PTPRT: variants seen among roughly 807,000 people sequenced by gnomAD.
The protein encoded by PTPRT is receptor-type tyrosine-protein phosphatase T.
PTPRT carries 56 observed loss-of-function variants against 176.8 expected under a neutral mutation model. The observed-to-expected ratio is 0.32, with a 90% CI of 0.26 to 0.40. The LOEUF is 0.40. Among genes scored for constraint, PTPRT ranks in the 10% least tolerant of loss-of-function variants. The probability of loss-of-function intolerance (pLI) is 1.00; values close to 1 mark genes in which losing one functional copy is unlikely to be tolerated. For missense variants in PTPRT, 1,540 were observed against 1,908.2 expected (o/e 0.81, Z 3.60); for synonymous variants, 783 against 739.0 (o/e 1.06, Z -0.96).
At chr20:42,812,505 AT>A (rs1052899343) in intron 2 of PTPRT, among the ~76,000 whole-genome samples, 1 of 152,124 alleles carries the variant, frequency 6.6e-6, no homozygotes, top group Non-Finnish European at 1.5e-5. Flanking sequence ...AACAGTAACA[AT>A]TTTTGGGAGG....
intron 1 of PTPRT, among the ~76,000 whole-genome samples, chr20:43,000,041 T>TGGAGGAAG (rs1275763087): frequency 9.8e-6 from 1 of 102,516 alleles, no homozygotes; most frequent in East Asian, 3.0e-4. Context: ...AAGGGAAGAA[T>TGGAGGAAG]GGAGGAAGGG....
intron 7 of PTPRT, among the ~76,000 whole-genome samples, chr20:42,596,607 C>T (rs74629610): frequency 6.6e-6 from 1 of 152,322 alleles, no homozygotes; most frequent in East Asian, 1.9e-4. Flanking sequence ...ATATTTCTGA[C>T]TCTCTCCTGG....
chr20:42,053,425 C>T, the PTPRT span, among the ~76,000 whole-genome samples: 2 of 152,176 alleles, frequency 1.3e-5, no homozygotes, highest in Non-Finnish European at 2.9e-5. Flanking sequence ...ATTTGGGAAC[C>T]TCTGGGGACC....
the PTPRT span, among the ~76,000 whole-genome samples, chr20:42,042,284 A>G: frequency 6.6e-6 from 1 of 152,168 alleles, no homozygotes; most frequent in Non-Finnish European, 1.5e-5. Context: ...TTAGTGAGCA[A>G]TAGAGATTTT....
chr20:42,049,475 T>A, the PTPRT span, among the ~76,000 whole-genome samples: 2 of 152,310 alleles, frequency 1.3e-5, no homozygotes, highest in South Asian at 4.1e-4. Flanking sequence ...TGAAGGCAAG[T>A]TTCATGAATA....
At chr20:42,156,817 T>C (rs1424260412) in intron 17 of PTPRT, among the ~76,000 whole-genome samples, 1 of 152,192 alleles carries the variant, frequency 6.6e-6, no homozygotes, top group Admixed American at 6.5e-5. Context: ...ATGCCCTGAG[T>C]CATCGTTGTC....
chr20:42,178,219 A>T (rs913593469), intron 16 of PTPRT, among the ~76,000 whole-genome samples: 1 of 152,110 alleles, frequency 6.6e-6, no homozygotes, highest in Admixed American at 6.5e-5. Context: ...TACAAGCGAG[A>T]GCCACCGTGC....
the PTPRT span, among the ~76,000 whole-genome samples, chr20:42,040,845 G>A: frequency 6.6e-6 from 1 of 152,118 alleles, no homozygotes; most frequent in Admixed American, 6.5e-5. Flanking sequence ...GCCTTCAGGG[G>A]GTGTTATCTT....
At chr20:42,042,722 C>A in the PTPRT span, among the ~76,000 whole-genome samples, 14 of 152,240 alleles carry the variant, frequency 9.2e-5, no homozygotes, top group Admixed American at 2.0e-4. Flanking sequence ...TTCACTCACT[C>A]ACTCACCAGC....
intron 1 of PTPRT, among the ~76,000 whole-genome samples, chr20:42,945,225 T>C (rs1293366630): frequency 6.6e-6 from 1 of 151,990 alleles, no homozygotes; most frequent in Non-Finnish European, 1.5e-5. Context: ...TTATCTACAA[T>C]GATCTAGGCC....
intron 2 of PTPRT, among the ~76,000 whole-genome samples, chr20:42,875,055 G>A (rs140504815): frequency 3.2e-3 from 487 of 152,256 alleles, no homozygotes; most frequent in African/African-American, 0.011. Flanking sequence ...TTAGTTGAAC[G>A]ATGCCAGTCT....
At chr20:42,038,895 C>A in the PTPRT span, among the ~76,000 whole-genome samples, 3 of 152,128 alleles carry the variant, frequency 2.0e-5, no homozygotes, top group Admixed American at 1.3e-4. Context: ...AGGGAGTCAC[C>A]AGTGGGCATT....
intron 9 of PTPRT, among the ~76,000 whole-genome samples, chr20:42,410,692 A>G (rs2145735445): frequency 1.3e-5 from 2 of 152,268 alleles, no homozygotes; most frequent in South Asian, 4.2e-4. Context: ...AAATCCTAAC[A>G]AATTTAAAAG....
chr20:42,096,756 A>AATTTT (rs1555862037), intron 27 of PTPRT, among the ~76,000 whole-genome samples: 938 of 118,836 alleles, frequency 7.9e-3, no homozygotes, highest in Non-Finnish European at 0.012. Flanking sequence ...GCTAATTAAA[A>AATTTT]TTTTTTTTTT....
chr20:42,281,643 G>A (rs763571327), intron 13 of PTPRT, among the ~76,000 whole-genome samples: 2 of 152,000 alleles, frequency 1.3e-5, no homozygotes, highest in Non-Finnish European at 2.9e-5. Context: ...TAAATCTACG[G>A]TTATATGCCT....
At chr20:42,581,469 A>C (rs985436670) in intron 7 of PTPRT, among the ~76,000 whole-genome samples, 2 of 152,052 alleles carry the variant, frequency 1.3e-5, no homozygotes, top group Non-Finnish European at 2.9e-5. Context: ...AGCAGCTGAC[A>C]CATGGCAGGT....
chr20:42,192,358 T>G (rs1013985773), intron 16 of PTPRT, among the ~76,000 whole-genome samples: 2 of 152,194 alleles, frequency 1.3e-5, no homozygotes, highest in Admixed American at 1.3e-4. Flanking sequence ...CCTATTTGAA[T>G]TGCTTTAGTT....
chr20:42,889,611 C>T (rs932390584), intron 1 of PTPRT, among the ~76,000 whole-genome samples: 7 of 152,184 alleles, frequency 4.6e-5, no homozygotes, highest in Non-Finnish European at 8.8e-5. Flanking sequence ...CTGTTCTGCA[C>T]TTTTATCACT....
the PTPRT span, among the ~76,000 whole-genome samples, chr20:42,036,477 G>A: frequency 6.6e-6 from 1 of 152,192 alleles, no homozygotes; most frequent in Non-Finnish European, 1.5e-5. Flanking sequence ...GTCCAGGCTG[G>A]TAAGTAGCAG....
Sources: allele counts gnomAD v4.1 joint callset (sites outside exome capture counted in the v4.1 genomes callset), GRCh38; gene constraint gnomAD v4.1.1; transcripts MANE v1.5; gene names NCBI Gene and HGNC (gene_info 2026-07-23, HGNC 2026-07-21).